The following BCR variants were observed in gnomAD, a reference collection of about 807,000 sequenced individuals.
BCR encodes BCR activator of RhoGEF and GTPase.
Under a neutral mutation model 138.6 loss-of-function variants are expected in BCR, and 58 were observed. The observed-to-expected ratio is 0.42, with a 90% confidence interval of 0.34 to 0.52. The LOEUF is 0.52. Ranked by LOEUF, BCR falls within the 20% of genes least tolerant of loss-of-function variation. The pLI, the probability that BCR is intolerant of heterozygous loss-of-function variation, is 0.06. For missense variants in BCR, 1,599 were observed against 1,727.2 expected, an observed-to-expected ratio of 0.93 and a Z score of 1.32; for synonymous variants, 786 against 730.1, an observed-to-expected ratio of 1.08 and a Z score of -1.23.
Position 23,209,319 on chromosome 22 carries a change from C to T in BCR, c.1279+27080C>T, listed in dbSNP as rs368864932. 1.7e-3 allele frequency among the ~76,000 whole-genome samples: 265 copies of T among 151,988 alleles called. 1 individual carries two copies. The highest frequency in any genetic ancestry group is 5.8e-3 in the African/African-American group (239 of 41,440). ...AGGTTGCAGTGAGCCGAGATCACGC[C>T]ACTGCACTCCAGCTTGGGCTACAGA... On this transcript the variant is annotated intron_variant, in intron 1 of 22. Coordinates refer to ENST00000305877, the MANE Select transcript of BCR (RefSeq NM_004327.4).
Position 23,292,775 on chromosome 22 carries a change from G to C in BCR, c.2880+137G>C, listed in dbSNP as rs1309321738. 3 of 661,368 alleles carry C rather than the reference G, an allele frequency of 4.5e-6. No homozygotes were observed. In the Admixed American group the frequency reaches 1.0e-4, roughly 22 times the overall value. The allele number at this position is 661,368 out of a possible 1,614,324, so 41.0% of individuals were successfully genotyped here. On this transcript the variant is annotated intron_variant, in intron 15 of 22. Coordinates refer to ENST00000305877, the MANE Select transcript of BCR (RefSeq NM_004327.4). ...TGCTGCTGAATTCCAGGAATCTCCT[G>C]GGGGGCCAGTAGGTGACGTGTCCAA...
intron 1 of BCR, among the ~76,000 whole-genome samples, chr22:23,191,342 A>G (rs1329440403): frequency 3.9e-5 from 6 of 152,186 alleles, no homozygotes; most frequent in African/African-American, 4.8e-5. Context: ...CAATCGCTCA[A>G]AGGTATTTAT....
chr22:23,273,220 G>T, intron 7 of BCR, 87 bp downstream of exon 7: 2 of 1,435,718 alleles, frequency 1.4e-6, no homozygotes. Flanking sequence ...TTTTTTAGTT[G>T]TCATAGCTGC....
chr22:23,246,252 CCT>C (rs1252717184), intron 1 of BCR, among the ~76,000 whole-genome samples: 3 of 152,046 alleles, frequency 2.0e-5, no homozygotes, highest in Non-Finnish European at 2.9e-5. Flanking sequence ...TAGCGAGACC[CCT>C]GTCTCTACAA....
chr22:23,188,962 G>C (rs1337245689), intron 1 of BCR, among the ~76,000 whole-genome samples: 1 of 152,078 alleles, frequency 6.6e-6, no homozygotes, highest in Non-Finnish European at 1.5e-5. Context: ...CGCCACCCAG[G>C]TTCAAGCGAT....
chr22:23,242,027 C>T (rs755926418), intron 1 of BCR, among the ~76,000 whole-genome samples: 2 of 152,194 alleles, frequency 1.3e-5, no homozygotes, highest in Non-Finnish European at 2.9e-5. Context: ...TCTTAGTGGC[C>T]TCTGGCTGGA....
In BCR at chr22:23,317,941, C is replaced by G. The variant is rs2074090451; in HGVS notation, c.*2419C>G. 1.3e-5 allele frequency: 2 copies of G among 150,178 alleles called. No individual in the cohort carries two copies. Among genetic ancestry groups the G allele is most frequent in the South Asian group, 5.1e-4 (2 of 3,928 alleles). The allele number at this position is 150,178 out of a possible 1,614,324, so 9.3% of individuals were successfully genotyped here. On this transcript the variant is annotated 3_prime_UTR_variant, in exon 23 of 23. Coordinates refer to ENST00000305877, the MANE Select transcript of BCR (RefSeq NM_004327.4). ...TGGGTTTGAAGCAGCCTGGCTTTCT[C>G]TTGGTAAGTGGCTGGTGTCTTAGCA...
At chr22:23,274,773 T>C (rs2073552727) in intron 8 of BCR, among the ~76,000 whole-genome samples, 1 of 151,474 alleles carries the variant, frequency 6.6e-6, no homozygotes, top group Non-Finnish European at 1.5e-5. Context: ...CTGGGCACGG[T>C]GGTGGGTGCC....
chr22:23,248,349 A>C (rs1262619942), intron 1 of BCR, among the ~76,000 whole-genome samples: 2 of 136,610 alleles, frequency 1.5e-5, no homozygotes, highest in African/African-American at 5.9e-5. Context: ...ACTCCATCTC[A>C]AAAAAAAAAA....
Position 23,253,868 on chromosome 22 carries a change from A to C in BCR, c.1349A>C (p.Gln450Pro). The change falls in exon 2 of 23, where the codon CAA becomes CCA. Residue 450 changes from glutamine (Q) to proline (P), a missense_variant. This residue lies in a region of BCR where 590 missense variants were observed against 762.4 expected (regional missense o/e 0.77). Transcript: ENST00000305877. ...CGGGCAGAGGAGCAGCGCCGGCACC[A>C]AGATGGGCTGCCCTACATTGATGAC... The part of the protein sequence containing the change: ...ADRAEEQRRH[Q>P]DGLPYIDDSP... 1 of 1,613,184 alleles carries C rather than the reference A, an allele frequency of 6.2e-7. No homozygotes were observed. Among genetic ancestry groups the C allele is most frequent in the East Asian group, 2.2e-5 (1 of 44,860 alleles).
chr22:23,276,726 C>T (rs1468809736), intron 8 of BCR, among the ~76,000 whole-genome samples: 1 of 152,262 alleles, frequency 6.6e-6, no homozygotes, highest in Non-Finnish European at 1.5e-5. Context: ...CAGTTGGGCA[C>T]TCCAAGCCTG....
Position 23,181,287 on chromosome 22 carries a change from C to A in BCR, c.327C>A (p.Pro109=). ...PAPADGADPP[P]AEEPEARPDG... Reference sequence around the variant, plus strand: ...CCGCCGACGGAGCCGACCCGCCGCCCGCCGAGGAGCCCGAGGCCCGGCCCG... The same window carrying A: ...CCGCCGACGGAGCCGACCCGCCGCCAGCCGAGGAGCCCGAGGCCCGGCCCG... The change falls in exon 1 of 23, where the codon CCC becomes CCA. Residue 109 remains proline, a synonymous_variant. Coordinates refer to ENST00000305877, the MANE Select transcript of BCR (RefSeq NM_004327.4). The A allele has an allele frequency of 7.7e-7, 1 of 1,305,684 alleles. No homozygotes were observed. Among genetic ancestry groups the A allele is most frequent in the Non-Finnish European group, 9.8e-7 (1 of 1,022,154 alleles). 80.9% of individuals were successfully genotyped at this position (1,305,684 alleles called of 1,614,324 possible).
In BCR at chr22:23,240,508, G is replaced by A. The variant is rs557329459; in HGVS notation, c.1280-13291G>A. 1.1e-4 allele frequency among the ~76,000 whole-genome samples: 17 copies of A among 152,048 alleles called. 1 individual carries two copies. Among genetic ancestry groups the A allele is most frequent in the African/African-American group, 3.6e-4 (15 of 41,500 alleles). On this transcript the variant is annotated intron_variant, in intron 1 of 22. Transcript: ENST00000305877. Reference sequence around the variant, plus strand: ...CTACTAAAAATACAAAAAATCAGCCGGGCGTGGTGGCGGGCGCCTGTAGTT... The same window carrying A: ...CTACTAAAAATACAAAAAATCAGCCAGGCGTGGTGGCGGGCGCCTGTAGTT...
intron 1 of BCR, among the ~76,000 whole-genome samples, chr22:23,219,590 C>T (rs1019122519): frequency 5.9e-5 from 9 of 152,216 alleles, no homozygotes; most frequent in Admixed American, 2.0e-4. Context: ...GTCAAGGTCA[C>T]GCATCTCAGG....
At chr22:23,182,527 T>C (rs1180807985) in intron 1 of BCR, among the ~76,000 whole-genome samples, 1 of 152,216 alleles carries the variant, frequency 6.6e-6, no homozygotes. Flanking sequence ...GAAGTACAGC[T>C]TGTGAGTTGA....
At chr22:23,301,274 C>G (rs762684484) in intron 16 of BCR, among the ~76,000 whole-genome samples, 1 of 152,236 alleles carries the variant, frequency 6.6e-6, no homozygotes, top group African/African-American at 2.4e-5. Context: ...CCACTGCACT[C>G]CAGCCTGGGG....
chr22:23,185,267 A>G (rs2072324426), intron 1 of BCR, among the ~76,000 whole-genome samples: 1 of 152,134 alleles, frequency 6.6e-6, no homozygotes, highest in African/African-American at 2.4e-5. Flanking sequence ...CCACACTGCT[A>G]CCTGCAAAGC....
intron 14 of BCR, chr22:23,290,684 G>T (rs1043492450): frequency 2.1e-6 from 1 of 477,568 alleles, no homozygotes; most frequent in Non-Finnish European, 3.9e-6. Context: ...AGTAATTGCA[G>T]GGGTTTGGCA....
At chr22:23,232,471 C>G (rs1267832267) in intron 1 of BCR, among the ~76,000 whole-genome samples, 3 of 152,204 alleles carry the variant, frequency 2.0e-5, no homozygotes, top group Non-Finnish European at 4.4e-5. Context: ...TCAGGCCTGT[C>G]AGAGAGGGTG....
Sources: allele counts gnomAD v4.1 joint callset (sites outside exome capture counted in the v4.1 genomes callset), GRCh38; gene constraint gnomAD v4.1.1; regional missense constraint gnomAD v4.1.1; transcripts MANE v1.5; gene names NCBI Gene and HGNC (gene_info 2026-07-23, HGNC 2026-07-21).